Variants in SHROOM2 observed in about 807,000 individuals in gnomAD.
SHROOM2 encodes protein Shroom2.
Under a neutral mutation model 75.9 loss-of-function variants are expected in SHROOM2, and 33 were observed. That is an observed-to-expected ratio of 0.43 (90% CI 0.33 to 0.58). The LOEUF (loss-of-function observed/expected upper bound fraction) is 0.58, where lower values mean the gene tolerates loss of function less well. Among genes scored for constraint, SHROOM2 ranks in the 20% least tolerant of loss-of-function variants. The pLI, the probability that SHROOM2 is intolerant of heterozygous loss-of-function variation, is 0.04. For missense variants in SHROOM2, 1,434 were observed against 1,461.2 expected, an observed-to-expected ratio of 0.98 and a Z score of 0.30; for synonymous variants, 655 against 663.6, an observed-to-expected ratio of 0.99 and a Z score of 0.20.
chrX:9,836,028 G>A lies in SHROOM2; in HGVS notation c.166-37624G>A, dbSNP rs765537981. 8.0e-5 allele frequency among the ~76,000 whole-genome samples: 9 copies of A among 112,286 alleles called. No homozygotes were observed. In the South Asian group the frequency reaches 3.3e-3, roughly 41 times the overall value. On this transcript the variant is annotated intron_variant, in intron 1 of 9. Transcript: ENST00000380913. ...CCTGGAAGCTTCTTCGCACCCCTGA[G>A]CACCTTTCCTGAGCCACGTACAGCC...
chrX:9,788,640 G>A (rs760642649), intron 1 of SHROOM2, among the ~76,000 whole-genome samples: 12 of 111,537 alleles, frequency 1.1e-4, no homozygotes, highest in Non-Finnish European at 2.3e-4. Context: ...CAGTGTTCAA[G>A]CCTGCTGCTC....
rs778139743 is a variant in SHROOM2 at position 9,814,207 on chromosome X, A to G, written c.165+27497A>G. Among the ~76,000 whole-genome samples the G allele has an allele frequency of 4.6e-3, 515 of 111,383 alleles. 1 individual carries two copies. Among genetic ancestry groups the G allele is most frequent in the Non-Finnish European group, 5.0e-3 (267 of 53,053 alleles). ...GATCAGGCATTTCCAGCTCACTCCC[A>G]GTGGGCCATCTTTTAATCCATAGTT... On this transcript the variant is annotated intron_variant, in intron 1 of 9. Coordinates refer to ENST00000380913, the MANE Select transcript of SHROOM2 (RefSeq NM_001649.4).
chrX:9,946,793 G>A lies in SHROOM2; in HGVS notation c.4707G>A (p.Glu1569=). The part of the protein sequence containing the change: ...VFDILANYLS[E]ESLADYEHFV... ...ACATTTTGGCCAACTATCTGAGCGAGGAGAGCCTCGCGGACTATGAGCACT... is the reference window on the plus strand; with the variant it reads ...ACATTTTGGCCAACTATCTGAGCGAAGAGAGCCTCGCGGACTATGAGCACT... The change falls in exon 10 of 10, where the codon GAG becomes GAA. Residue 1569 remains glutamate (E), a synonymous_variant. Coordinates refer to ENST00000380913, the MANE Select transcript of SHROOM2 (RefSeq NM_001649.4). 8.3e-7 allele frequency: 1 copy of A among 1,205,124 alleles called. No homozygotes were observed. Among genetic ancestry groups the A allele is most frequent in the East Asian group, 3.0e-5 (1 of 33,517 alleles).
At chrX:9,920,798 CA>C (rs1185598852) in intron 5 of SHROOM2, among the ~76,000 whole-genome samples, 2 of 112,128 alleles carry the variant, frequency 1.8e-5, no homozygotes, top group African/African-American at 6.5e-5. Flanking sequence ...GCTTTCTCCT[CA>C]AAATTTCCTG....
intron 5 of SHROOM2, chrX:9,912,794 T>A (rs746851223): frequency 1.2e-3 from 132 of 112,487 alleles, no homozygotes; most frequent in African/African-American, 4.0e-3. Context: ...GTTCTCATTG[T>A]TTATTCTTCT....
chrX:9,837,695 G>A (rs1029012589), intron 1 of SHROOM2, among the ~76,000 whole-genome samples: 1 of 112,131 alleles, frequency 8.9e-6, no homozygotes, highest in Non-Finnish European at 1.9e-5. Flanking sequence ...GGGCCTGGTC[G>A]TGTGCTTGAT....
chrX:9,902,794 G>A (rs1274170083), intron 5 of SHROOM2, among the ~76,000 whole-genome samples: 4 of 111,417 alleles, frequency 3.6e-5, no homozygotes, highest in Non-Finnish European at 5.7e-5. Context: ...ATCTGGGGGC[G>A]GCCCCCTGGA....
At chrX:9,810,292 G>A (rs1449466984) in intron 1 of SHROOM2, among the ~76,000 whole-genome samples, 1 of 110,875 alleles carries the variant, frequency 9.0e-6, no homozygotes, top group Non-Finnish European at 1.9e-5. Flanking sequence ...TTGTAGTCCG[G>A]CCTGGATTGG....
intron 5 of SHROOM2, among the ~76,000 whole-genome samples, chrX:9,905,450 C>T (rs544201976): frequency 2.2e-4 from 25 of 113,102 alleles, no homozygotes; most frequent in Non-Finnish European, 3.4e-4. Flanking sequence ...TGCATCCCAC[C>T]GGGCCAGCTG....
rs2084725221 is a variant in SHROOM2 at position 9,937,512 on chromosome X, G to C, written c.3966G>C (p.Glu1322Asp). 9 of 1,211,897 alleles carry C rather than the reference G, an allele frequency of 7.4e-6. No homozygotes were observed. Among genetic ancestry groups the C allele is most frequent in the Middle Eastern group, 2.3e-4 (1 of 4,356 alleles). ...EDLKSEELAR[E>D]IVGKDKSLAD... ...TGAAGTCGGAGGAGCTGGCCAGGGA[G>C]ATCGTGGGGAAGGATAAGTCCCTGG... Residue 1322 changes from glutamate to aspartate, a missense_variant, in exon 7 of 10, where the codon GAG (glutamate) becomes GAC (aspartate). This residue lies in a region of SHROOM2 where 1,340 missense variants were observed against 1,338.3 expected (regional missense o/e 1.00). Transcript: ENST00000380913.
In SHROOM2 at chrX:9,940,315, T is replaced by C. The variant is rs781327912; in HGVS notation, c.4311+949T>C. Reference sequence around the variant, plus strand: ...TTGAATTTGGGTCACACCCTAGGTTTAGAGAACTGCATTCTTTGCTCGCAT... The same window carrying C: ...TTGAATTTGGGTCACACCCTAGGTTCAGAGAACTGCATTCTTTGCTCGCAT... On this transcript the variant is annotated intron_variant, in intron 8 of 9. Coordinates refer to ENST00000380913, the MANE Select transcript of SHROOM2 (RefSeq NM_001649.4). Among the ~76,000 whole-genome samples the C allele has an allele frequency of 7.9e-4, 89 of 112,154 alleles. 1 individual carries two copies. Among genetic ancestry groups the C allele is most frequent in the Non-Finnish European group, 1.3e-3 (67 of 53,311 alleles).
At chrX:9,915,385 A>G (rs2084481430) in intron 5 of SHROOM2, among the ~76,000 whole-genome samples, 1 of 111,440 alleles carries the variant, frequency 9.0e-6, no homozygotes, top group Non-Finnish European at 1.9e-5. Context: ...AATAGCTTCG[A>G]TATCCATTTA....
At chrX:9,846,802 G>A (rs187799354) in intron 1 of SHROOM2, among the ~76,000 whole-genome samples, 16 of 112,257 alleles carry the variant, frequency 1.4e-4, no homozygotes, top group Admixed American at 6.6e-4. Context: ...CATCTGTGCC[G>A]CCTCTGAGCC....
intron 2 of SHROOM2, among the ~76,000 whole-genome samples, chrX:9,876,162 A>T (rs1245875274): frequency 8.9e-6 from 1 of 112,525 alleles, no homozygotes; most frequent in Non-Finnish European, 1.9e-5. Flanking sequence ...ATGTGGTTTA[A>T]ATAGAATTTT....
chrX:9,896,631 C>T lies in SHROOM2; in HGVS notation c.2723C>T (p.Pro908Leu). The T allele has an allele frequency of 8.3e-7, 1 of 1,208,076 alleles. No individual in the cohort carries two copies. The change falls in exon 4 of 10, where the codon CCA becomes CTA. Residue 908 changes from proline (P) to leucine (L), a missense_variant. Coordinates refer to ENST00000380913, the MANE Select transcript of SHROOM2 (RefSeq NM_001649.4). ...GACATCCTGGATGTGAGCCTGGACC[C>T]ACAGGAGAGGCCGCAGCACGTTCAT... ...ADDILDVSLD[P>L]QERPQHVHGR...
intron 1 of SHROOM2, among the ~76,000 whole-genome samples, chrX:9,790,501 G>A (rs957491): frequency 0.063 from 7,043 of 111,230 alleles, 311 homozygotes; most frequent in East Asian, 0.21. Context: ...TGCAGTGTGC[G>A]GTCAACATCT....
chrX:9,911,550 C>G (rs1307845553), intron 5 of SHROOM2, among the ~76,000 whole-genome samples: 1 of 111,052 alleles, frequency 9.0e-6, no homozygotes, highest in Non-Finnish European at 1.9e-5. Context: ...GGCTGTGAGG[C>G]GCAGTGGCTG....
At chrX:9,831,909 TA>T (rs998963438) in intron 1 of SHROOM2, among the ~76,000 whole-genome samples, 1 of 110,694 alleles carries the variant, frequency 9.0e-6, no homozygotes, top group African/African-American at 3.3e-5. Flanking sequence ...CCCCACCTCC[TA>T]ACACCATCAC....
At chrX:9,910,747 G>A (rs919597961) in intron 5 of SHROOM2, among the ~76,000 whole-genome samples, 2 of 110,360 alleles carry the variant, frequency 1.8e-5, no homozygotes, top group Non-Finnish European at 3.8e-5. Context: ...AACCCAGGAG[G>A]CGGAGGTTGC....
Sources: allele counts gnomAD v4.1 joint callset (sites outside exome capture counted in the v4.1 genomes callset), GRCh38; gene constraint gnomAD v4.1.1; regional missense constraint gnomAD v4.1.1; transcripts MANE v1.5; gene names NCBI Gene and HGNC (gene_info 2026-07-23, HGNC 2026-07-21).